The following GPR137C variants were observed in gnomAD, a reference collection of about 807,000 sequenced individuals.
GPR137C encodes the protein G protein-coupled receptor 137C.
GPR137C carries 27 observed loss-of-function variants against 43.4 expected under a neutral mutation model. The ratio of observed to expected loss-of-function variants is 0.62; its 90% CI spans 0.46 to 0.86. The LOEUF is 0.86. GPR137C is among the 40% of genes least tolerant of loss of function. The probability of loss-of-function intolerance (pLI) is 0.00; values close to 1 mark genes in which losing one functional copy is unlikely to be tolerated. For synonymous variants in GPR137C, 285 were observed against 226.9 expected, an observed-to-expected ratio of 1.26 and a Z score of -2.30; for missense variants, 522 against 534.6, an observed-to-expected ratio of 0.98 and a Z score of 0.23.
intron 1 of GPR137C, among the ~76,000 whole-genome samples, chr14:52,583,927 A>G (rs562088182): frequency 5.3e-5 from 8 of 150,156 alleles, no homozygotes; most frequent in Admixed American, 4.7e-4. Flanking sequence ...GCTCTTAAAA[A>G]CTGAGCTATT....
intron 1 of GPR137C, among the ~76,000 whole-genome samples, chr14:52,592,446 C>T (rs1018682386): frequency 2.0e-5 from 3 of 152,108 alleles, no homozygotes; most frequent in African/African-American, 7.2e-5. Context: ...CATGATACTG[C>T]TTCTTCCTAT....
chr14:52,629,752 G>T (rs369268127), intron 3 of GPR137C, among the ~76,000 whole-genome samples: 3 of 152,256 alleles, frequency 2.0e-5, no homozygotes, highest in Non-Finnish European at 4.4e-5. Flanking sequence ...TGGAGATTTG[G>T]GTTACATGTG....
At chr14:52,605,467 A>T (rs367935187) in intron 3 of GPR137C, among the ~76,000 whole-genome samples, 1 of 152,188 alleles carries the variant, frequency 6.6e-6, no homozygotes, top group African/African-American at 2.4e-5. Flanking sequence ...AAGTTTTTCA[A>T]AATATGAGAT....
At chr14:52,556,148 G>C (rs4491411) in intron 1 of GPR137C, among the ~76,000 whole-genome samples, 34,000 of 151,910 alleles carry the variant, frequency 0.22, 4,501 homozygotes, top group African/African-American at 0.37. Flanking sequence ...CGTGTGTCTT[G>C]ATTACCAACT....
chr14:52,560,408 G>T (rs2038262535), intron 1 of GPR137C, among the ~76,000 whole-genome samples: 1 of 152,178 alleles, frequency 6.6e-6, no homozygotes, highest in Admixed American at 6.5e-5. Context: ...CTGTTGCCAA[G>T]ATGGTTTTAA....
rs202162422 is a variant in GPR137C, at chr14:52,630,694, ACCCCGCAAGAG to A, written c.718-1455_718-1445del. Among the ~76,000 whole-genome samples, 646 of 152,100 alleles carry A rather than the reference ACCCCGCAAGAG, an allele frequency of 4.2e-3. 10 individuals are homozygous for A. The highest frequency in any genetic ancestry group is 0.035 in the Admixed American group (532 of 15,254). ...AAGTCAGTTATAATAATGGTTCTCA[ACCCCGCAAGAG>A]CCCCGCAAGACCCAGTGCAGTTCTA... On this transcript the variant is annotated intron_variant, in intron 3 of 6. Transcript: ENST00000321662.
At chr14:52,580,348 G>T (rs1165048410) in intron 1 of GPR137C, among the ~76,000 whole-genome samples, 1 of 150,966 alleles carries the variant, frequency 6.6e-6, no homozygotes, top group African/African-American at 2.4e-5. Flanking sequence ...TAAGCAGAGA[G>T]AAGAGACTAA....
chr14:52,588,546 A>G (rs1174782224), intron 1 of GPR137C, among the ~76,000 whole-genome samples: 1 of 152,206 alleles, frequency 6.6e-6, no homozygotes, highest in Non-Finnish European at 1.5e-5. Flanking sequence ...TTCTGTGGTA[A>G]TCCTACCAAA....
intron 1 of GPR137C, among the ~76,000 whole-genome samples, chr14:52,574,695 C>G (rs1428616872): frequency 2.0e-5 from 3 of 152,112 alleles, no homozygotes; most frequent in Admixed American, 1.3e-4. Context: ...ACGTGTATCC[C>G]AGAACTGAAA....
chr14:52,633,842 G>A lies in GPR137C; in HGVS notation c.1008G>A (p.Met336Ile), dbSNP rs1594812169. The A allele has an allele frequency of 6.2e-7, 1 of 1,611,340 alleles. No individual in the cohort carries two copies. Among genetic ancestry groups the A allele is most frequent in the East Asian group, 2.2e-5 (1 of 44,854 alleles). The change falls in exon 6 of 7, where the codon ATG (methionine) becomes ATA (isoleucine). Residue 336 changes from methionine to isoleucine, a missense_variant. Transcript: ENST00000321662. ...TTTGTTCACAGGCACCTGCTGGCAT[G>A]ATAAATAGTCACAGTTATAGTTCCA... The part of the protein sequence containing the change: ...RLNQNLAPAG[M>I]INSHSYSSRA...
intron 3 of GPR137C, among the ~76,000 whole-genome samples, chr14:52,622,511 T>A (rs1490280753): frequency 6.6e-6 from 1 of 152,088 alleles, no homozygotes; most frequent in Non-Finnish European, 1.5e-5. Context: ...CAATTTTCAC[T>A]TAAAAGCTTA....
chr14:52,594,394 T>C (rs10140257), intron 1 of GPR137C, among the ~76,000 whole-genome samples: 35,364 of 152,088 alleles, frequency 0.23, 5,178 homozygotes, highest in African/African-American at 0.42. Flanking sequence ...ACCTTCTGTC[T>C]CGTTGATCTG....
intron 3 of GPR137C, among the ~76,000 whole-genome samples, chr14:52,619,407 ATAT>A (rs2039134800): frequency 6.6e-6 from 1 of 152,168 alleles, no homozygotes; most frequent in Admixed American, 6.5e-5. Context: ...TTAATATTTA[ATAT>A]CCTAATATTA....
rs1273657186 is a variant in GPR137C, at chr14:52,612,284, T to C, written c.717+11943T>C. 3 of 922,472 alleles carry C rather than the reference T, an allele frequency of 3.3e-6. No individual in the cohort carries two copies. In the South Asian group the frequency reaches 1.5e-4, roughly 46 times the overall value. The allele number at this position is 922,472 out of a possible 1,614,324, so 57.1% of individuals were successfully genotyped here. ...TAATTTTATACCCTGCTTTTCCCCT[T>C]ATACTAGTAAAGGATTTTCTCATGC... On this transcript the variant is annotated intron_variant, in intron 3 of 6. Transcript: ENST00000321662.
intron 3 of GPR137C, among the ~76,000 whole-genome samples, chr14:52,623,363 A>G (rs891658413): frequency 1.3e-5 from 2 of 152,204 alleles, no homozygotes; most frequent in African/African-American, 4.8e-5. Context: ...ATATAAGGCT[A>G]TACTAGTTTC....
chr14:52,616,334 C>T (rs186124982), intron 3 of GPR137C, among the ~76,000 whole-genome samples: 122 of 152,274 alleles, frequency 8.0e-4, no homozygotes, highest in Non-Finnish European at 1.4e-3. Flanking sequence ...TGCCCTGTCA[C>T]CTAGGCTGGA....
chr14:52,559,532 A>G (rs2038248008), intron 1 of GPR137C, among the ~76,000 whole-genome samples: 1 of 152,190 alleles, frequency 6.6e-6, no homozygotes, highest in Non-Finnish European at 1.5e-5. Flanking sequence ...ACTTTTAGTA[A>G]ATGAGGGAAA....
intron 1 of GPR137C, among the ~76,000 whole-genome samples, chr14:52,582,313 T>G (rs1243070464): frequency 6.6e-6 from 1 of 152,138 alleles, no homozygotes; most frequent in Non-Finnish European, 1.5e-5. Flanking sequence ...CTAATCACAT[T>G]GGGGGTTAGT....
chr14:52,620,610 C>A (rs1293867326), intron 3 of GPR137C, among the ~76,000 whole-genome samples: 2 of 151,264 alleles, frequency 1.3e-5, no homozygotes. Flanking sequence ...GACAACCCCA[C>A]CACCACCAAG....
Sources: gnomAD v4.1 joint callset for allele counts (sites outside exome capture counted in the v4.1 genomes callset) on GRCh38, gnomAD v4.1.1 for gene constraint, MANE v1.5 for transcripts, NCBI Gene and HGNC (gene_info 2026-07-23, HGNC 2026-07-21) for gene names.